ZNRF3: variants seen among roughly 807,000 people sequenced by gnomAD.
ZNRF3 encodes the protein E3 ubiquitin-protein ligase ZNRF3.
In ZNRF3, 23 loss-of-function variants were observed where a neutral mutation model predicts 72.5. That is an observed-to-expected ratio of 0.32 (90% confidence interval 0.23 to 0.45). The LOEUF (loss-of-function observed/expected upper bound fraction) is 0.45, where lower values mean the gene tolerates loss of function less well. Ranked by LOEUF, ZNRF3 falls within the 20% of genes least tolerant of loss-of-function variation. ZNRF3 has a pLI of 1.00. For missense variants in ZNRF3, 1,169 were observed against 1,272.1 expected (o/e 0.92, Z 1.23); for synonymous variants, 610 against 545.3 (o/e 1.12, Z -1.65).
intron 1 of ZNRF3, among the ~76,000 whole-genome samples, chr22:28,955,032 G>GTTTTTTTTTTTTTT (rs372334361): frequency 7.3e-6 from 1 of 137,164 alleles, no homozygotes; most frequent in Non-Finnish European, 1.5e-5. Context: ...TATTTTTGGT[G>GTTTTTTTTTTTTTT]TTTTTTTTTT....
At chr22:28,962,902 C>T (rs1192270533) in intron 1 of ZNRF3, among the ~76,000 whole-genome samples, 3 of 152,094 alleles carry the variant, frequency 2.0e-5, no homozygotes, top group South Asian at 2.1e-4. Flanking sequence ...TGAAGGAAGC[C>T]GTTTTATGCA....
rs1309301489 is a variant in ZNRF3, at chr22:29,054,059, C to T, written c.*437C>T. The T allele has an allele frequency of 6.5e-6, 1 of 152,804 alleles. No individual in the cohort carries two copies. Among genetic ancestry groups the T allele is most frequent in the East Asian group, 1.9e-4 (1 of 5,188 alleles). The allele number at this position is 152,804 out of a possible 1,614,324, so 9.5% of individuals were successfully genotyped here. A position where few individuals can be genotyped will look rare whatever the true frequency, so the allele number is the denominator to read the frequency against. On this transcript the variant is annotated 3_prime_UTR_variant, in exon 9 of 9. Transcript: ENST00000544604. ...AAATGAACCACATCATGTGTAGATA[C>T]TGTTGTCTCCCTGAAGGGAGCTCAG...
At chr22:29,033,896 G>A (rs1187288250) in intron 2 of ZNRF3, among the ~76,000 whole-genome samples, 1 of 152,176 alleles carries the variant, frequency 6.6e-6, no homozygotes, top group Admixed American at 6.5e-5. Context: ...GAAATGTCCG[G>A]GACAGTGTGC....
chr22:28,907,771 A>G (rs767066361), intron 1 of ZNRF3, among the ~76,000 whole-genome samples: 3 of 152,234 alleles, frequency 2.0e-5, no homozygotes, highest in Non-Finnish European at 2.9e-5. Context: ...CCCACAGCGC[A>G]TGGTGCAGAG....
At chr22:28,909,591 A>G (rs2034276566) in intron 1 of ZNRF3, among the ~76,000 whole-genome samples, 1 of 152,036 alleles carries the variant, frequency 6.6e-6, no homozygotes, top group Non-Finnish European at 1.5e-5. Context: ...TTCCTCATTC[A>G]TAAAATGAAT....
At chr22:28,901,743 C>T (rs1177693136) in intron 1 of ZNRF3, among the ~76,000 whole-genome samples, 1 of 145,092 alleles carries the variant, frequency 6.9e-6, no homozygotes, top group Non-Finnish European at 1.5e-5. Flanking sequence ...TGGGTTCAAG[C>T]GATTCTCCTG....
chr22:28,937,213 A>ATT (rs1250134241), intron 1 of ZNRF3, among the ~76,000 whole-genome samples: 2 of 4,224 alleles, frequency 4.7e-4, no homozygotes, highest in Non-Finnish European at 1.0e-3. Context: ...ATATATATAT[A>ATT]TATTTTTTTT....
intron 1 of ZNRF3, among the ~76,000 whole-genome samples, chr22:28,937,898 A>G (rs189561816): frequency 5.3e-5 from 8 of 152,288 alleles, no homozygotes; most frequent in African/African-American, 1.7e-4. Flanking sequence ...ATAGTTTTAG[A>G]TTTGTGGAAA....
chr22:28,887,227 AGAGAGAGAGT>A (rs1260471304), intron 1 of ZNRF3, among the ~76,000 whole-genome samples: 25 of 90,794 alleles, frequency 2.8e-4, no homozygotes, highest in East Asian at 1.7e-3. Context: ...ACGAAGAGAG[AGAGAGAGAGT>A]GTGTGTGTGT....
At chr22:28,966,889 T>TTTTTTTTTTTTTTG (rs1555975724) in intron 1 of ZNRF3, among the ~76,000 whole-genome samples, 1 of 147,416 alleles carries the variant, frequency 6.8e-6, no homozygotes, top group Admixed American at 6.7e-5. Context: ...TTTTTTTTTT[T>TTTTTTTTTTTTTTG]GAGATGGAGT....
At chr22:28,911,466 A>T (rs1325212693) in intron 1 of ZNRF3, among the ~76,000 whole-genome samples, 1 of 152,096 alleles carries the variant, frequency 6.6e-6, no homozygotes, top group South Asian at 2.1e-4. Flanking sequence ...TCCAGCAGTC[A>T]CTCCTCTCTT....
chr22:29,016,137 A>G (rs560586700), intron 2 of ZNRF3, among the ~76,000 whole-genome samples: 1 of 152,240 alleles, frequency 6.6e-6, no homozygotes, highest in East Asian at 1.9e-4. Context: ...CCCTGGTACT[A>G]GTGAAGGTTG....
chr22:28,959,006 T>G (rs1601603230), intron 1 of ZNRF3, among the ~76,000 whole-genome samples: 1 of 152,308 alleles, frequency 6.6e-6, no homozygotes, highest in East Asian at 1.9e-4. Flanking sequence ...TGATCACAAG[T>G]GCTTGTGAAA....
rs577901082 is a variant in ZNRF3, at chr22:28,914,391, C to T, written c.300+30325C>T. 2.7e-5 allele frequency among the ~76,000 whole-genome samples: 4 copies of T among 150,260 alleles called. No homozygotes were observed. In the East Asian group the frequency reaches 6.0e-4, roughly 22 times the overall value. ...ATAGGAAGGATGTGTGTGACATAAG[C>T]GGGGCTGAGATATCCCCCATTGAGA... On this transcript the variant is annotated intron_variant, in intron 1 of 8. Transcript: ENST00000544604.
chr22:28,891,810 C>G (rs2033893890), intron 1 of ZNRF3, among the ~76,000 whole-genome samples: 1 of 152,136 alleles, frequency 6.6e-6, no homozygotes. Context: ...GATGTATTTC[C>G]TTCCTTTCTT....
rs1187769044 is a variant in ZNRF3 at position 29,055,195 on chromosome 22, T to TA, written c.*1580dup. ...TTTGTCCAATGTATTCCTTGTTCTTTAAAAAAATTTTTTTTAGAGGAAACT... is the reference window on the plus strand; with the variant it reads ...TTTGTCCAATGTATTCCTTGTTCTTTAAAAAAAATTTTTTTTAGAGGAAACT... On this transcript the variant is annotated 3_prime_UTR_variant, in exon 9 of 9. Transcript: ENST00000544604. 2.0e-5 allele frequency: 3 copies of TA among 152,634 alleles called. No homozygotes were observed. Among genetic ancestry groups the TA allele is most frequent in the Non-Finnish European group, 4.4e-5 (3 of 68,044 alleles). The allele number at this position is 152,634 out of a possible 1,614,324, so 9.5% of individuals were successfully genotyped here.
At chr22:28,944,428 C>T (rs1028485180) in intron 1 of ZNRF3, among the ~76,000 whole-genome samples, 2 of 151,940 alleles carry the variant, frequency 1.3e-5, no homozygotes, top group Non-Finnish European at 2.9e-5. Flanking sequence ...TGAGACCATC[C>T]TGGCTAACAT....
At chr22:28,927,678 A>G (rs1457176494) in intron 1 of ZNRF3, among the ~76,000 whole-genome samples, 2 of 152,232 alleles carry the variant, frequency 1.3e-5, no homozygotes, top group Non-Finnish European at 1.5e-5. Flanking sequence ...CAGGTCTACA[A>G]GCTAACCTGA....
chr22:28,914,803 A>C (rs1160218479), intron 1 of ZNRF3, among the ~76,000 whole-genome samples: 1 of 151,108 alleles, frequency 6.6e-6, no homozygotes, highest in Non-Finnish European at 1.5e-5. Flanking sequence ...AGCAAGAATG[A>C]AACTCCGTCT....
Sources: gnomAD v4.1 joint callset for allele counts (sites outside exome capture counted in the v4.1 genomes callset) on GRCh38, gnomAD v4.1.1 for gene constraint, MANE v1.5 for transcripts, NCBI Gene and HGNC (gene_info 2026-07-23, HGNC 2026-07-21) for gene names.